The following PIAS1 variants were observed in gnomAD, a reference collection of about 807,000 sequenced individuals.
PIAS1 encodes the protein protein inhibitor of activated STAT 1.
In PIAS1, 6 loss-of-function variants were observed where a neutral mutation model predicts 71.3. That is an observed-to-expected ratio of 0.08 (90% CI 0.05 to 0.17). The LOEUF (loss-of-function observed/expected upper bound fraction) is 0.17. PIAS1 is among the 10% of genes least tolerant of loss of function. PIAS1 has a pLI of 1.00. For missense variants in PIAS1, 555 were observed against 793.6 expected (o/e 0.70, Z 3.61); for synonymous variants, 303 against 292.9 (o/e 1.03, Z -0.35).
chr15:68,172,983 C>T (rs2093000861), intron 8 of PIAS1, among the ~76,000 whole-genome samples: 1 of 152,214 alleles, frequency 6.6e-6, no homozygotes, highest in African/African-American at 2.4e-5. Flanking sequence ...CCTTCCTCCT[C>T]AGAGCTGCCA....
chr15:68,096,608 G>T (rs185778716), intron 2 of PIAS1, among the ~76,000 whole-genome samples: 1 of 151,960 alleles, frequency 6.6e-6, no homozygotes, highest in Admixed American at 6.5e-5. Context: ...ATGTTTTGTA[G>T]TTTTCAGTGT....
At chr15:68,060,136 A>G (rs779620088) in intron 1 of PIAS1, among the ~76,000 whole-genome samples, 11 of 152,186 alleles carry the variant, frequency 7.2e-5, no homozygotes, top group Non-Finnish European at 1.6e-4. Flanking sequence ...TTTATAATCT[A>G]TTCATACTAT....
At chr15:68,161,820 C>G (rs868005364) in intron 7 of PIAS1, among the ~76,000 whole-genome samples, 1 of 152,020 alleles carries the variant, frequency 6.6e-6, no homozygotes, top group Middle Eastern at 3.4e-3. Context: ...ATCCCAGCTA[C>G]TTGGGAGGCT....
At chr15:68,179,561 G>GTTTTTTTTTTTTTTTTT (rs1307028845) in intron 11 of PIAS1, among the ~76,000 whole-genome samples, 2 of 30,190 alleles carry the variant, frequency 6.6e-5, no homozygotes, top group East Asian at 1.7e-3. Flanking sequence ...CTCGTGAAAT[G>GTTTTTTTTTTTTTTTTT]TTCTTTTTTT....
chr15:68,059,000 C>CTTTT (rs35348345), intron 1 of PIAS1, among the ~76,000 whole-genome samples: 22 of 84,906 alleles, frequency 2.6e-4, no homozygotes, highest in African/African-American at 8.3e-4. Flanking sequence ...GATTATTCTA[C>CTTTT]TTTTTTTTTT....
chr15:68,136,313 T>A lies in PIAS1; in HGVS notation c.470-5633T>A, dbSNP rs1312198290. Among the ~76,000 whole-genome samples, 2 of 53,590 alleles carry A rather than the reference T, an allele frequency of 3.7e-5. 1 individual carries two copies. Among genetic ancestry groups the A allele is most frequent in the African/African-American group, 7.8e-5 (2 of 25,552 alleles). The allele number at this position is 53,590 out of a possible 152,430, so 35.2% of individuals were successfully genotyped here. ...CCACTGCACTCCAGCCTGGGCACCATTGAGCACTGAGTGAACCAGACTCCG... is the reference window on the plus strand; with the variant it reads ...CCACTGCACTCCAGCCTGGGCACCAATGAGCACTGAGTGAACCAGACTCCG... On this transcript the variant is annotated intron_variant, in intron 2 of 13. Coordinates refer to ENST00000249636, the MANE Select transcript of PIAS1 (RefSeq NM_016166.3).
chr15:68,065,606 A>G (rs937069946), intron 1 of PIAS1, among the ~76,000 whole-genome samples: 1 of 151,964 alleles, frequency 6.6e-6, no homozygotes, highest in African/African-American at 2.4e-5. Context: ...AAAAAAAAGA[A>G]AAAATTTATT....
intron 8 of PIAS1, among the ~76,000 whole-genome samples, chr15:68,166,567 AG>A (rs895399408): frequency 4.6e-5 from 7 of 152,140 alleles, no homozygotes; most frequent in Admixed American, 1.3e-4. Context: ...CGTTTAGAAA[AG>A]TACATACACT....
intron 2 of PIAS1, among the ~76,000 whole-genome samples, chr15:68,141,584 T>C (rs1419274903): frequency 6.6e-6 from 1 of 152,172 alleles, no homozygotes; most frequent in Admixed American, 6.5e-5. Context: ...CCAGAAACCA[T>C]GTCTCTTTAA....
chr15:68,056,485 C>T (rs575874529), intron 1 of PIAS1, among the ~76,000 whole-genome samples: 15 of 152,186 alleles, frequency 9.9e-5, no homozygotes, highest in African/African-American at 3.4e-4. Context: ...TTTTTGTGCT[C>T]TCCCAAATCT....
chr15:68,060,442 A>G (rs145922751), intron 1 of PIAS1, among the ~76,000 whole-genome samples: 6 of 150,002 alleles, frequency 4.0e-5, no homozygotes, highest in South Asian at 2.1e-4. Flanking sequence ...GTGAAACCCT[A>G]TCTCTACTAA....
At chr15:68,164,854 T>A in intron 8 of PIAS1, 50 bp downstream of exon 8, 1 of 963,820 alleles carries the variant, frequency 1.0e-6, no homozygotes, top group African/African-American at 1.6e-5. Flanking sequence ...ATACATTTTC[T>A]CTTTTTATTA....
Position 68,190,881 on chromosome 15 carries a change from G to A in PIAS1, c.*3046G>A, listed in dbSNP as rs2093116502. 2 of 152,234 alleles carry A rather than the reference G, an allele frequency of 1.3e-5. No individual in the cohort carries two copies. The highest frequency in any genetic ancestry group is 6.5e-5 in the Admixed American group (1 of 15,296). The allele number at this position is 152,234 out of a possible 1,614,324, so 9.4% of individuals were successfully genotyped here. On this transcript the variant is annotated 3_prime_UTR_variant, in exon 14 of 14. Coordinates refer to ENST00000249636, the MANE Select transcript of PIAS1 (RefSeq NM_016166.3). The surrounding 1 kb of genome is among the most constrained non-coding windows in gnomAD (Gnocchi z 4.7). ...GTATCTTTACTGAGGAAAGATTCAC[G>A]TAAGCTCTGAAAAATCGGATTCTTT...
At chr15:68,075,839 T>C (rs2092157662) in intron 1 of PIAS1, among the ~76,000 whole-genome samples, 1 of 148,754 alleles carries the variant, frequency 6.7e-6, no homozygotes, top group Non-Finnish European at 1.5e-5. Flanking sequence ...TGGAGTGCAA[T>C]GATGCGATCT....
intron 1 of PIAS1, among the ~76,000 whole-genome samples, chr15:68,081,300 C>T (rs7165099): frequency 0.48 from 72,567 of 151,958 alleles, 18,168 homozygotes; most frequent in Middle Eastern, 0.56. Context: ...GGTTGTTCCT[C>T]TCTGTCAAAA....
rs557657550 is a variant in PIAS1 at position 68,083,185 on chromosome 15, G to A, written c.25-3121G>A. Among the ~76,000 whole-genome samples the A allele has an allele frequency of 5.3e-5, 8 of 152,230 alleles. No individual in the cohort carries two copies. In the South Asian group the frequency reaches 1.7e-3, roughly 32 times the overall value. On this transcript the variant is annotated intron_variant, in intron 1 of 13. Transcript: ENST00000249636. Reference sequence around the variant, plus strand: ...GAGATTTTTAAACACCTTAAATGCAGATTAAAATATATTTCATTTCAACAA... The same window carrying A: ...GAGATTTTTAAACACCTTAAATGCAAATTAAAATATATTTCATTTCAACAA...
At chr15:68,149,007 T>TG (rs1398169977) in intron 6 of PIAS1, among the ~76,000 whole-genome samples, 1 of 151,806 alleles carries the variant, frequency 6.6e-6, no homozygotes, top group Non-Finnish European at 1.5e-5. Flanking sequence ...GGTTTCTGGG[T>TG]GGGGGGCTAG....
In PIAS1 at chr15:68,173,869, A is replaced by G. The variant is rs767861365; in HGVS notation, c.1146A>G (p.Pro382=). The part of the protein sequence containing the change: ...WVCPVCDKKA[P]YEHLIIDGLF... ...GTCCTGTCTGTGATAAGAAGGCTCC[A>G]TATGAACACCTTATTATTGATGGGT... The change falls in exon 9 of 14, where the codon CCA becomes CCG. Residue 382 remains proline, a synonymous_variant. Coordinates refer to ENST00000249636, the MANE Select transcript of PIAS1 (RefSeq NM_016166.3). This position sits in a 1 kb window ranked among gnomAD's most constrained non-coding sequence, Gnocchi z 4.3. 2.5e-6 allele frequency: 4 copies of G among 1,573,732 alleles called. No homozygotes were observed. Among genetic ancestry groups the G allele is most frequent in the Admixed American group, 1.7e-5 (1 of 58,058 alleles).
chr15:68,061,637 ATC>A (rs946926293), intron 1 of PIAS1, among the ~76,000 whole-genome samples: 1 of 152,128 alleles, frequency 6.6e-6, no homozygotes, highest in Admixed American at 6.5e-5. Flanking sequence ...TGAAAACTTA[ATC>A]TCTTTTTTAC....
Sources: allele counts gnomAD v4.1 joint callset (sites outside exome capture counted in the v4.1 genomes callset), GRCh38; gene constraint gnomAD v4.1.1; non-coding constraint Gnocchi (gnomAD v3.1); transcripts MANE v1.5; gene names NCBI Gene and HGNC (gene_info 2026-07-23, HGNC 2026-07-21).